The following ATP6V1H variants were observed in gnomAD, a reference collection of about 807,000 sequenced individuals.
The protein encoded by ATP6V1H is ATPase H+ transporting V1 subunit H, also known as V-type proton ATPase subunit H.
A neutral mutation model predicts 71.7 loss-of-function variants in ATP6V1H; 39 were observed. The observed-to-expected ratio is 0.54, with a 90% CI of 0.42 to 0.71. The LOEUF is 0.71. Ranked by LOEUF, ATP6V1H falls within the 30% of genes least tolerant of loss-of-function variation. The pLI, the probability that ATP6V1H is intolerant of heterozygous loss-of-function variation, is 0.00. For synonymous variants in ATP6V1H, 192 were observed against 199.3 expected (o/e 0.96, Z 0.31); for missense variants, 509 against 594.9 (o/e 0.86, Z 1.50).
chr8:53,789,774 T>C (rs1227263177), intron 9 of ATP6V1H, among the ~76,000 whole-genome samples: 1 of 152,044 alleles, frequency 6.6e-6, no homozygotes, highest in Non-Finnish European at 1.5e-5. Flanking sequence ...ATTTGAAAAA[T>C]AGATATTTTC....
intron 4 of ATP6V1H, among the ~76,000 whole-genome samples, chr8:53,822,732 C>T (rs1746856059): frequency 6.6e-6 from 1 of 151,678 alleles, no homozygotes; most frequent in African/African-American, 2.4e-5. Flanking sequence ...CAAACAAGAC[C>T]CGAATCTATA....
rs1227116357 is a variant in ATP6V1H, at chr8:53,843,197, T to G, written c.-199A>C. 6.6e-6 allele frequency: 1 copy of G among 152,254 alleles called. No homozygotes were observed. The allele number at this position is 152,254 out of a possible 1,614,324, so 9.4% of individuals were successfully genotyped here. ...GGAGGGAGACTCCGGGAGCCGAAAG[T>G]GAAGCGGGTCCCGCACCAAGGAGAC... is the stretch of plus-strand genomic sequence containing the variant. On this transcript the variant is annotated 5_prime_UTR_variant, in exon 1 of 14. Transcript: ENST00000359530.
At chr8:53,823,213 G>T (rs1810717649) in intron 4 of ATP6V1H, among the ~76,000 whole-genome samples, 1 of 151,946 alleles carries the variant, frequency 6.6e-6, no homozygotes, top group African/African-American at 2.4e-5. Flanking sequence ...AGGACACCTG[G>T]TATATTTATA....
At chr8:53,732,810 C>T (rs1036144879) in intron 13 of ATP6V1H, among the ~76,000 whole-genome samples, 1 of 152,106 alleles carries the variant, frequency 6.6e-6, no homozygotes, top group Non-Finnish European at 1.5e-5. Flanking sequence ...TCCCAGCCTA[C>T]CCCCGCTTTA....
intron 12 of ATP6V1H, among the ~76,000 whole-genome samples, chr8:53,751,386 C>T (rs994631173): frequency 1.3e-5 from 2 of 152,140 alleles, no homozygotes; most frequent in Admixed American, 1.3e-4. Context: ...GCTGTACTAA[C>T]CGAATTGGAA....
At chr8:53,797,490 C>G (rs111780071) in intron 8 of ATP6V1H, among the ~76,000 whole-genome samples, 1 of 152,172 alleles carries the variant, frequency 6.6e-6, no homozygotes, top group African/African-American at 2.4e-5. Flanking sequence ...GGCTTTTCCT[C>G]GGAGTTCAGA....
At chr8:53,829,587 A>G in intron 3 of ATP6V1H, 54 bp from the exon 4 acceptor site, 2 of 1,107,882 alleles carry the variant, frequency 1.8e-6, no homozygotes, top group Non-Finnish European at 2.6e-6. Flanking sequence ...ACACATTTCA[A>G]TGGAACTTCA....
intron 7 of ATP6V1H, among the ~76,000 whole-genome samples, chr8:53,810,742 AAAAT>A (rs988606453): frequency 2.6e-5 from 4 of 152,210 alleles, no homozygotes; most frequent in Admixed American, 6.5e-5. Context: ...TGTGTCTCAA[AAAAT>A]AAATAAATAA....
intron 2 of ATP6V1H, 21 bp downstream of exon 2, chr8:53,841,557 T>A: frequency 6.2e-7 from 1 of 1,613,080 alleles, no homozygotes; most frequent in Non-Finnish European, 8.5e-7. Context: ...TGTCCATGAT[T>A]CACAGCAAAT....
intron 7 of ATP6V1H, among the ~76,000 whole-genome samples, chr8:53,810,626 G>C (rs1474036868): frequency 2.0e-5 from 3 of 152,142 alleles, no homozygotes; most frequent in Non-Finnish European, 4.4e-5. Flanking sequence ...TGTAGTCCCA[G>C]CTACTCGGGA....
chr8:53,817,203 A>G (rs1810478949), intron 5 of ATP6V1H, among the ~76,000 whole-genome samples: 1 of 151,778 alleles, frequency 6.6e-6, no homozygotes, highest in African/African-American at 2.4e-5. Flanking sequence ...AATAAAACAA[A>G]AATTTTAAAA....
At chr8:53,777,863 C>G (rs556632671) in intron 9 of ATP6V1H, among the ~76,000 whole-genome samples, 1 of 152,204 alleles carries the variant, frequency 6.6e-6, no homozygotes, top group African/African-American at 2.4e-5. Flanking sequence ...AAAGTGATAC[C>G]ACAAGTGGAA....
chr8:53,740,573 ACTC>A (rs775770710), intron 13 of ATP6V1H, among the ~76,000 whole-genome samples: 2 of 152,080 alleles, frequency 1.3e-5, no homozygotes, highest in Admixed American at 6.6e-5. Flanking sequence ...TAAAAGAAAA[ACTC>A]CACTGTATTT....
At chr8:53,767,788 T>C (rs1273608382) in intron 11 of ATP6V1H, among the ~76,000 whole-genome samples, 1 of 152,184 alleles carries the variant, frequency 6.6e-6, no homozygotes, top group Non-Finnish European at 1.5e-5. Context: ...AGTTGGAACC[T>C]TACTTCATAC....
chr8:53,822,133 T>C (rs530232066), intron 4 of ATP6V1H, among the ~76,000 whole-genome samples: 1 of 152,322 alleles, frequency 6.6e-6, no homozygotes, highest in South Asian at 2.1e-4. Context: ...AGATCCTCTA[T>C]CAGCCAAGCT....
chr8:53,731,244 C>G (rs1266077792), intron 13 of ATP6V1H, among the ~76,000 whole-genome samples: 1 of 152,132 alleles, frequency 6.6e-6, no homozygotes, highest in Non-Finnish European at 1.5e-5. Flanking sequence ...TTCCCAAGCT[C>G]CTGTGACACC....
chr8:53,716,065 T>C (rs749731735), intron 13 of ATP6V1H, 41 bp from the exon 14 acceptor site: 11 of 1,525,438 alleles, frequency 7.2e-6, no homozygotes, highest in Non-Finnish European at 9.0e-6. Flanking sequence ...AGAATTTCAA[T>C]AGCAAAGAAT....
chr8:53,830,680 A>AAGGG (rs1368830615), intron 3 of ATP6V1H, among the ~76,000 whole-genome samples: 1 of 152,210 alleles, frequency 6.6e-6, no homozygotes, highest in Non-Finnish European at 1.5e-5. Context: ...CACACCAGAC[A>AAGGG]CTGCTATTAA....
intron 9 of ATP6V1H, among the ~76,000 whole-genome samples, chr8:53,789,719 A>T (rs1399060430): frequency 6.6e-6 from 1 of 151,792 alleles, no homozygotes; most frequent in African/African-American, 2.4e-5. Context: ...AAATTATTAA[A>T]AGCCTATAAC....
Sources: allele counts gnomAD v4.1 joint callset (sites outside exome capture counted in the v4.1 genomes callset), GRCh38; gene constraint gnomAD v4.1.1; transcripts MANE v1.5; gene names NCBI Gene and HGNC (gene_info 2026-07-23, HGNC 2026-07-21).